Variants in TPCN1 observed in about 807,000 individuals in gnomAD.
The protein encoded by TPCN1 is two pore segment channel 1.
A neutral mutation model predicts 108.8 loss-of-function variants in TPCN1; 52 were observed. The ratio of observed to expected loss-of-function variants is 0.48; its 90% CI spans 0.38 to 0.60. The LOEUF (loss-of-function observed/expected upper bound fraction) is 0.60, where lower values mean the gene tolerates loss of function less well. TPCN1 is among the 20% of genes least tolerant of loss of function. The pLI is 0.00. For synonymous variants in TPCN1, 446 were observed against 433.7 expected (o/e 1.03, Z -0.35); for missense variants, 806 against 1,072.8 (o/e 0.75, Z 3.47).
chr12:113,229,581 C>T (rs955295470), intron 2 of TPCN1, among the ~76,000 whole-genome samples: 1 of 152,210 alleles, frequency 6.6e-6, no homozygotes. Flanking sequence ...CTCCGCCTCC[C>T]GTGTTCAAGC....
intron 2 of TPCN1, among the ~76,000 whole-genome samples, chr12:113,248,819 AACACACACAC>A (rs1954509340): frequency 6.6e-6 from 1 of 152,202 alleles, no homozygotes; most frequent in African/African-American, 2.4e-5. Flanking sequence ...GTTACCTAAA[AACACACACAC>A]GCACACACAC....
rs761776567 is a variant in TPCN1 at position 113,276,987 on chromosome 12, C to T, written c.1011C>T (p.His337=). 2 of 1,614,102 alleles carry T rather than the reference C, an allele frequency of 1.2e-6. No individual in the cohort carries two copies. The highest frequency in any genetic ancestry group is 1.7e-6 in the Non-Finnish European group (2 of 1,180,024). Residue 337 remains histidine, a synonymous_variant, in exon 11 of 28, where the codon CAC becomes CAT. Transcript: ENST00000335509. The part of the protein sequence containing the change: ...EKRKFKSLLL[H]KRTAIQHAYR... ...GCAAGTTCAAGTCTTTGCTACTGCA[C>T]AAGCGAACCGCTATCCAGCATGCCT... is the stretch of plus-strand genomic sequence containing the variant.
chr12:113,263,281 T>C (rs1461791775), intron 3 of TPCN1, among the ~76,000 whole-genome samples: 1 of 152,226 alleles, frequency 6.6e-6, no homozygotes, highest in Non-Finnish European at 1.5e-5. Flanking sequence ...CTGTTTTTCT[T>C]GAGACAGACT....
In TPCN1 at chr12:113,269,737, G is replaced by A. The variant is rs374782906; in HGVS notation, c.660-20G>A. On this transcript the variant is annotated intron_variant, in intron 6 of 27. Coordinates refer to ENST00000335509, the MANE Select transcript of TPCN1 (RefSeq NM_017901.6). The surrounding 1 kb of genome is among the most constrained non-coding windows in gnomAD (Gnocchi z 5.0). ...CCGCCCCAGCTGGTGCCTCCCCTGA[G>A]CTGGCCCATCTCTCCCCAGCAACCT... is the stretch of plus-strand genomic sequence containing the variant. The A allele has an allele frequency of 4.1e-4, 653 of 1,611,676 alleles. 7 individuals carry two copies. Among genetic ancestry groups the A allele is most frequent in the Middle Eastern group, 1.6e-4 (1 of 6,084 alleles).
At chr12:113,261,789 T>G (rs901895305) in intron 3 of TPCN1, among the ~76,000 whole-genome samples, 1 of 152,228 alleles carries the variant, frequency 6.6e-6, no homozygotes, top group Non-Finnish European at 1.5e-5. Context: ...CTGATAATCT[T>G]GAATATTTTC....
Position 113,267,833 on chromosome 12 carries a change from C to T in TPCN1, c.415-10C>T, listed in dbSNP as rs778084530. ...TGGCCATGACACATCTCCACACCCT[C>T]TGGTCTCAGGTCCACGCCACCCTGG... On this transcript the variant is annotated splice_polypyrimidine_tract_variant and intron_variant, in intron 4 of 27. Coordinates refer to ENST00000335509, the MANE Select transcript of TPCN1 (RefSeq NM_017901.6). 1 of 1,606,018 alleles carries T rather than the reference C, an allele frequency of 6.2e-7. No homozygotes were observed. Among genetic ancestry groups the T allele is most frequent in the East Asian group, 2.2e-5 (1 of 44,838 alleles).
chr12:113,224,734 C>T (rs1020724909), intron 1 of TPCN1, among the ~76,000 whole-genome samples: 2 of 151,564 alleles, frequency 1.3e-5, no homozygotes, highest in Admixed American at 6.6e-5. Context: ...ATTTTTTTGT[C>T]ATTTAATTTA....
In TPCN1 at chr12:113,297,896, T is replaced by C. The variant is rs1956478060; in HGVS notation, c.*1820T>C. 6.6e-6 allele frequency: 1 copy of C among 152,256 alleles called. No individual in the cohort carries two copies. The highest frequency in any genetic ancestry group is 2.1e-4 in the South Asian group (1 of 4,840). 9.4% of individuals were successfully genotyped at this position (152,256 alleles called of 1,614,324 possible). A position where few individuals can be genotyped will look rare whatever the true frequency, so the allele number is the denominator to read the frequency against. ...GAAGCAAGGGTCAGGGGACAGCTTC[T>C]AAAGGTGTGAGTCTCTGACCTGAGC... On this transcript the variant is annotated 3_prime_UTR_variant, in exon 28 of 28. Transcript: ENST00000335509. The surrounding 1 kb of genome is among the most constrained non-coding windows in gnomAD (Gnocchi z 4.4).
intron 2 of TPCN1, among the ~76,000 whole-genome samples, chr12:113,241,781 T>C (rs1954138870): frequency 6.6e-6 from 1 of 151,082 alleles, no homozygotes; most frequent in Non-Finnish European, 1.5e-5. Flanking sequence ...TGTGTGTGTG[T>C]GTGTGTGTGT....
At chr12:113,270,606 G>A (rs531654830) in intron 7 of TPCN1, among the ~76,000 whole-genome samples, 19 of 151,534 alleles carry the variant, frequency 1.3e-4, no homozygotes, top group Admixed American at 3.3e-4. Context: ...TCAGCCTCCC[G>A]AGTAGCTGGG....
At chr12:113,242,131 C>T (rs894479134) in intron 2 of TPCN1, among the ~76,000 whole-genome samples, 2 of 152,228 alleles carry the variant, frequency 1.3e-5, no homozygotes, top group Admixed American at 1.3e-4. Flanking sequence ...ATGACCGTGG[C>T]GGCCCCTGGC....
At position 113,278,550 on chromosome 12, in the gene TPCN1, G is replaced by A. The variant is rs1955752485; in HGVS notation, c.1234-222G>A. Among the ~76,000 whole-genome samples the A allele has an allele frequency of 1.3e-5, 2 of 152,200 alleles. 1 individual carries two copies. Among genetic ancestry groups the A allele is most frequent in the Admixed American group, 1.3e-4 (2 of 15,268 alleles). Reference sequence around the variant, plus strand: ...AAGTGGCGTAAGGATAATCCCTACTGACAAACCTCATTTCAGGACTATACT... The same window carrying A: ...AAGTGGCGTAAGGATAATCCCTACTAACAAACCTCATTTCAGGACTATACT... On this transcript the variant is annotated intron_variant, in intron 13 of 27. Transcript: ENST00000335509.
Position 113,255,531 on chromosome 12 carries a change from AT to A in TPCN1, c.113-4825del, listed in dbSNP as rs1166310005. On this transcript the variant is annotated intron_variant, in intron 2 of 27. Transcript: ENST00000335509. ...ATTGACTAATTATTATTATTAATTAATTTTTTTTTTTTGAGACAGAGTCTCA... is the reference window on the plus strand; with the variant it reads ...ATTGACTAATTATTATTATTAATTAATTTTTTTTTTTGAGACAGAGTCTCA... 7.1e-3 allele frequency among the ~76,000 whole-genome samples: 1,048 copies of A among 146,950 alleles called. 11 individuals are homozygous for A. The highest frequency in any genetic ancestry group is 0.023 in the African/African-American group (930 of 40,352).
At chr12:113,228,160 A>G (rs980284150) in intron 2 of TPCN1, among the ~76,000 whole-genome samples, 4 of 152,226 alleles carry the variant, frequency 2.6e-5, no homozygotes, top group African/African-American at 9.6e-5. Flanking sequence ...AGAGAGGTCA[A>G]GTAACTTGTC....
intron 2 of TPCN1, chr12:113,246,015 T>G (rs1954367443): frequency 2.2e-6 from 1 of 456,008 alleles, no homozygotes; most frequent in Non-Finnish European, 4.4e-6. Flanking sequence ...AGGGAGCGTC[T>G]GGGCCCTGTG....
At chr12:113,227,416 C>T (rs1466572349) in intron 2 of TPCN1, among the ~76,000 whole-genome samples, 2 of 152,186 alleles carry the variant, frequency 1.3e-5, no homozygotes, top group East Asian at 3.8e-4. Context: ...TCCCTTCTTG[C>T]CCAGGACAGC....
Position 113,278,843 on chromosome 12 carries a change from G to A in TPCN1, c.1297+8G>A. ...CGCTCCTCATCTTCAAAGGTAAGTGGGCTTGAGTATGGCAGGTGTTGGCAG... is the reference window on the plus strand; with the variant it reads ...CGCTCCTCATCTTCAAAGGTAAGTGAGCTTGAGTATGGCAGGTGTTGGCAG... On this transcript the variant is annotated splice_region_variant and intron_variant, in intron 14 of 27. Transcript: ENST00000335509. 1.2e-6 allele frequency: 2 copies of A among 1,613,770 alleles called. No homozygotes were observed. The highest frequency in any genetic ancestry group is 2.2e-5 in the East Asian group (1 of 44,850).
At chr12:113,245,558 G>A (rs796491305) in intron 2 of TPCN1, among the ~76,000 whole-genome samples, 21 of 111,706 alleles carry the variant, frequency 1.9e-4, no homozygotes, top group African/African-American at 6.6e-4. Flanking sequence ...CCGAGATCGC[G>A]CCACTGCACT....
intron 1 of TPCN1, among the ~76,000 whole-genome samples, chr12:113,226,162 C>T (rs901484162): frequency 6.6e-6 from 1 of 150,526 alleles, no homozygotes; most frequent in Non-Finnish European, 1.5e-5. Flanking sequence ...CTTAATTGAT[C>T]TTCCCACCAC....
Sources: allele counts gnomAD v4.1 joint callset (sites outside exome capture counted in the v4.1 genomes callset), GRCh38; gene constraint gnomAD v4.1.1; non-coding constraint Gnocchi (gnomAD v3.1); transcripts MANE v1.5; gene names NCBI Gene and HGNC (gene_info 2026-07-23, HGNC 2026-07-21).